Variants in FBXO11 observed in about 807,000 individuals in gnomAD.
The protein encoded by FBXO11 is F-box only protein 11.
A neutral mutation model predicts 117.0 loss-of-function variants in FBXO11; 13 were observed. The ratio of observed to expected loss-of-function variants is 0.11; its 90% CI spans 0.07 to 0.18. The LOEUF is 0.18. Ranked by LOEUF, FBXO11 falls within the 10% of genes least tolerant of loss-of-function variation. FBXO11 has a pLI of 1.00. For synonymous variants in FBXO11, 490 were observed against 380.5 expected, an observed-to-expected ratio of 1.29 and a Z score of -3.35; for missense variants, 767 against 1,164.4, an observed-to-expected ratio of 0.66 and a Z score of 4.97.
intron 1 of FBXO11, among the ~76,000 whole-genome samples, chr2:47,877,202 A>G (rs1213408425): frequency 1.3e-5 from 2 of 151,754 alleles, no homozygotes; most frequent in Non-Finnish European, 2.9e-5. Flanking sequence ...TAATTTTTCT[A>G]TTTTTTGTAG....
intron 1 of FBXO11, among the ~76,000 whole-genome samples, chr2:47,874,508 T>G (rs1004098509): frequency 1.1e-4 from 16 of 152,134 alleles, no homozygotes; most frequent in African/African-American, 3.9e-4. Context: ...CTAAGTAAGT[T>G]TAACACACAA....
At chr2:47,858,273 G>C (rs181954609) in intron 1 of FBXO11, among the ~76,000 whole-genome samples, 71 of 151,946 alleles carry the variant, frequency 4.7e-4, no homozygotes, top group African/African-American at 1.6e-3. Context: ...GCCTCCCAAA[G>C]TGCTGGGATT....
chr2:47,827,346 G>A (rs1030983576), intron 11 of FBXO11, among the ~76,000 whole-genome samples: 7 of 152,134 alleles, frequency 4.6e-5, no homozygotes, highest in Non-Finnish European at 8.8e-5. Flanking sequence ...AGTGTCTGTC[G>A]CCCAGGCTGG....
intron 2 of FBXO11, 51 bp from the exon 3 acceptor site, chr2:47,839,551 A>C: frequency 6.2e-7 from 1 of 1,604,810 alleles, no homozygotes; most frequent in Non-Finnish European, 8.5e-7. Context: ...ATCATCCATA[A>C]TCATTACTTC....
In FBXO11 at chr2:47,905,629, G is replaced by A. The variant is rs1678749303; in HGVS notation, c.92C>T (p.Pro31Leu). The change falls in exon 1 of 23, where the codon CCG (proline) becomes CTG (leucine). Residue 31 changes from proline to leucine, a missense_variant. Pro to Leu is a moderately conservative substitution (Grantham distance 98). Transcript: ENST00000403359. ...CTGCTGCTGGGGCGGCTGCGGCGGC[G>A]GCTGCTGCGGGGGCTGCTGCTGCTG... is the stretch of plus-strand genomic sequence containing the variant. ...QQQQQQPPQQ[P>L]PPQPPQQQPP... The A allele has an allele frequency of 7.2e-7, 1 of 1,392,678 alleles. No homozygotes were observed. Among genetic ancestry groups the A allele is most frequent in the Non-Finnish European group, 9.3e-7 (1 of 1,070,978 alleles). The allele number at this position is 1,392,678 out of a possible 1,614,324, so 86.3% of individuals were successfully genotyped here. A position where few individuals can be genotyped will look rare whatever the true frequency, so the allele number is the denominator to read the frequency against.
chr2:47,810,600 CAA>C, intron 18 of FBXO11, 174 bp from the exon 19 acceptor site: 1 of 502,056 alleles, frequency 2.0e-6, no homozygotes. Context: ...AAGGATCTAA[CAA>C]AATTGCTACA....
chr2:47,824,315 G>A (rs965889964), intron 11 of FBXO11, among the ~76,000 whole-genome samples: 3 of 152,046 alleles, frequency 2.0e-5, no homozygotes, highest in East Asian at 3.8e-4. Flanking sequence ...GTGAGACGTC[G>A]TCTCTACAGA....
chr2:47,846,952 C>A (rs149200336), intron 1 of FBXO11, among the ~76,000 whole-genome samples: 1 of 152,070 alleles, frequency 6.6e-6, no homozygotes, highest in African/African-American at 2.4e-5. Flanking sequence ...GACAAGAATA[C>A]GTTCTGAGAA....
intron 1 of FBXO11, among the ~76,000 whole-genome samples, chr2:47,862,383 G>C (rs1055727344): frequency 2.0e-5 from 3 of 152,160 alleles, no homozygotes; most frequent in Admixed American, 6.6e-5. Context: ...TGAAACAAAG[G>C]GCGGGTGATA....
At chr2:47,897,414 T>C (rs957712699) in intron 1 of FBXO11, among the ~76,000 whole-genome samples, 1 of 152,180 alleles carries the variant, frequency 6.6e-6, no homozygotes, top group African/African-American at 2.4e-5. Context: ...GAAAAACTTC[T>C]GGTCGGGTGA....
In FBXO11 at chr2:47,906,066, C is replaced by CGCGGCGGCG. The variant is rs533249335; in HGVS notation, c.-355_-347dup. ...GCCGCTTGGGGATCCCGAGGCGAAG[C>CGCGGCGGCG]GCGGCGGCGGCGGCGGCGGCGGCTG... is the stretch of plus-strand genomic sequence containing the variant. On this transcript the variant is annotated 5_prime_UTR_variant, in exon 1 of 23. Coordinates refer to ENST00000403359, the MANE Select transcript of FBXO11 (RefSeq NM_001190274.2). 4.6e-5 allele frequency: 8 copies of CGCGGCGGCG among 173,394 alleles called. 2 individuals are homozygous for CGCGGCGGCG. Among genetic ancestry groups the CGCGGCGGCG allele is most frequent in the South Asian group, 2.9e-4 (3 of 10,526 alleles). The allele number at this position is 173,394 out of a possible 1,614,324, so 10.7% of individuals were successfully genotyped here. A position where few individuals can be genotyped will look rare whatever the true frequency, so the allele number is the denominator to read the frequency against.
intron 12 of FBXO11, 124 bp from the exon 13 acceptor site, chr2:47,822,427 T>A: frequency 1.7e-6 from 1 of 603,188 alleles, no homozygotes; most frequent in Non-Finnish European, 2.9e-6. Flanking sequence ...CCTCAATTTC[T>A]TCATTATTTC....
At chr2:47,894,626 A>C (rs879410610) in intron 1 of FBXO11, among the ~76,000 whole-genome samples, 10 of 152,202 alleles carry the variant, frequency 6.6e-5, no homozygotes, top group Non-Finnish European at 1.5e-4. Context: ...GGGAAATCAA[A>C]GTGATATTAA....
At chr2:47,815,097 C>G (rs1432489355) in intron 16 of FBXO11, among the ~76,000 whole-genome samples, 2 of 152,190 alleles carry the variant, frequency 1.3e-5, no homozygotes, top group Non-Finnish European at 2.9e-5. Flanking sequence ...TCTTATACCC[C>G]TAAAGTCATC....
intron 1 of FBXO11, among the ~76,000 whole-genome samples, chr2:47,874,586 T>C (rs1269235580): frequency 3.3e-5 from 5 of 152,164 alleles, no homozygotes; most frequent in Admixed American, 1.3e-4. Context: ...CCAGGATGCA[T>C]TGCAGTGGTG....
At chr2:47,842,465 G>C (rs150225969) in intron 1 of FBXO11, among the ~76,000 whole-genome samples, 1 of 152,198 alleles carries the variant, frequency 6.6e-6, no homozygotes, top group African/African-American at 2.4e-5. Context: ...TCTCTACCTA[G>C]CTATATTTCA....
chr2:47,843,645 T>C (rs1673180519), intron 1 of FBXO11, among the ~76,000 whole-genome samples: 1 of 152,206 alleles, frequency 6.6e-6, no homozygotes, highest in African/African-American at 2.4e-5. Context: ...TCTATCAGCT[T>C]TCTGTTTTGG....
chr2:47,832,452 G>A lies in FBXO11; in HGVS notation c.1295C>T (p.Ala432Val). 2 of 1,613,478 alleles carry A rather than the reference G, an allele frequency of 1.2e-6. No individual in the cohort carries two copies. The highest frequency in any genetic ancestry group is 1.7e-6 in the Non-Finnish European group (2 of 1,179,706). The change falls in exon 11 of 23, where the codon GCG (alanine) becomes GTG (valine). Residue 432 changes from alanine to valine, a missense_variant. Ala to Val is a moderately conservative substitution (Grantham distance 64). Coordinates refer to ENST00000403359, the MANE Select transcript of FBXO11 (RefSeq NM_001190274.2). The stretch of plus-strand genomic sequence containing the variant: ...ATTTTTAACCCAAATCCCAGCTAAC[G>A]CATTATTGGAAATTTCATTATCCTC... The part of the protein sequence containing the change: ...IYEDNEISNN[A>V]LAGIWVKNHG...
intron 16 of FBXO11, chr2:47,818,324 G>A (rs1320141975): frequency 6.5e-6 from 1 of 154,018 alleles, no homozygotes; most frequent in East Asian, 1.9e-4. Context: ...AATAAACAGA[G>A]GTAAGCCAGT....
Sources: gnomAD v4.1 joint callset for allele counts (sites outside exome capture counted in the v4.1 genomes callset) on GRCh38, gnomAD v4.1.1 for gene constraint, MANE v1.5 for transcripts, NCBI Gene and HGNC (gene_info 2026-07-23, HGNC 2026-07-21) for gene names.